The following FANCA variants were observed in gnomAD, a reference collection of about 807,000 sequenced individuals.
FANCA encodes the protein FA complementation group A, also known as Fanconi anemia group A protein.
A neutral mutation model predicts 194.3 loss-of-function variants in FANCA; 236 were observed. The ratio of observed to expected loss-of-function variants is 1.21; its 90% CI spans 1.09 to 1.35. FANCA has a LOEUF of 1.35. Ranked by LOEUF, FANCA falls within the 40% of genes most tolerant of loss-of-function variation. FANCA has a pLI of 0.00. For missense variants in FANCA, 2,628 were observed against 1,813.9 expected, an observed-to-expected ratio of 1.45 and a Z score of -8.15; for synonymous variants, 1,014 against 715.8, an observed-to-expected ratio of 1.42 and a Z score of -6.65.
At chr16:89,752,985 A>G (rs561348104) in intron 30 of FANCA, among the ~76,000 whole-genome samples, 1 of 152,290 alleles carries the variant, frequency 6.6e-6, no homozygotes, top group African/African-American at 2.4e-5. Context: ...CGGAGGCCTC[A>G]CCGTCTCCCT....
intron 17 of FANCA, among the ~76,000 whole-genome samples, chr16:89,782,248 G>A (rs1490800166): frequency 7.0e-5 from 10 of 142,166 alleles, no homozygotes; most frequent in Admixed American, 3.5e-4. Context: ...GTGGTGGCGG[G>A]CGCCTGTAAT....
rs142368710 is a variant in FANCA at position 89,776,939 on chromosome 16, C to A, written c.1827-1124G>T. Among the ~76,000 whole-genome samples the A allele has an allele frequency of 2.0e-5, 3 of 152,100 alleles. No homozygotes were observed. In the South Asian group the frequency reaches 6.2e-4, roughly 32 times the overall value. On this transcript the variant is annotated intron_variant, in intron 20 of 42. Transcript: ENST00000389301. ...AACATGATAAAGGGTAAGCCAGGTA[C>A]AGTGGCTCATATTTGTAATCCCAGC... is the stretch of plus-strand genomic sequence containing the variant.
intron 26 of FANCA, 196 bp downstream of exon 26, chr16:89,769,641 T>G: frequency 3.1e-6 from 2 of 654,664 alleles, no homozygotes; most frequent in Non-Finnish European, 5.4e-6. Flanking sequence ...CTCATTTTTA[T>G]GAACAAAGAA....
chr16:89,782,236 G>C (rs1479084469), intron 17 of FANCA, among the ~76,000 whole-genome samples: 1 of 151,254 alleles, frequency 6.6e-6, no homozygotes, highest in Non-Finnish European at 1.5e-5. Flanking sequence ...AATTAGCCAG[G>C]CGTGGTGGCG....
intron 26 of FANCA, among the ~76,000 whole-genome samples, chr16:89,767,444 T>G (rs2039168489): frequency 6.6e-6 from 1 of 152,034 alleles, no homozygotes; most frequent in Non-Finnish European, 1.5e-5. Flanking sequence ...CTGGGCTCAC[T>G]GCAATCTCTG....
intron 9 of FANCA, 134 bp from the exon 10 acceptor site, chr16:89,799,366 A>C: frequency 1.9e-6 from 2 of 1,063,088 alleles, no homozygotes; most frequent in Non-Finnish European, 1.4e-6. Flanking sequence ...AGACTTCTAC[A>C]ATCTGTAGGC....
In FANCA at chr16:89,745,047, C is replaced by A. The variant is rs372706571; in HGVS notation, c.3538G>T (p.Val1180Leu). ...ALVWWPSLEP[V>L]LLCRWRRHCQ... ...TGTCTCCTCCACCGGCAGAGCAGCA[C>A]AGGCTCCAGGCTCGGCCACCACACC... Residue 1180 changes from valine to leucine, a missense_variant, in exon 36 of 43, where the codon GTG becomes TTG. Coordinates refer to ENST00000389301, the MANE Select transcript of FANCA (RefSeq NM_000135.4). 3 of 1,607,800 alleles carry A rather than the reference C, an allele frequency of 1.9e-6. No individual in the cohort carries two copies. The highest frequency in any genetic ancestry group is 1.7e-6 in the Non-Finnish European group (2 of 1,179,338).
chr16:89,809,651 A>G (rs1487865812), intron 5 of FANCA, among the ~76,000 whole-genome samples: 3 of 151,844 alleles, frequency 2.0e-5, no homozygotes. Flanking sequence ...GGAGTTTGAG[A>G]CCAGCCTGAC....
At chr16:89,762,660 G>A (rs1181308908) in intron 28 of FANCA, 2 of 313,182 alleles carry the variant, frequency 6.4e-6, no homozygotes, top group Non-Finnish European at 1.3e-5. Context: ...TTGGAAACAG[G>A]TTCTGTTGCC....
In FANCA at chr16:89,737,631, G is replaced by A. The variant is rs1326078503; in HGVS notation, c.*970C>T. On this transcript the variant is annotated 3_prime_UTR_variant, in exon 43 of 43. Transcript: ENST00000389301. ...ATGAAGCCACGTGACAGTGTATAAA[G>A]CAGTTTAAAGATCTTAATAAACGAG... 4.0e-6 allele frequency: 5 copies of A among 1,252,510 alleles called. No homozygotes were observed. The highest frequency in any genetic ancestry group is 5.4e-6 in the Non-Finnish European group (5 of 929,330). The allele number at this position is 1,252,510 out of a possible 1,614,324, so 77.6% of individuals were successfully genotyped here.
chr16:89,752,820 T>A (rs917936485), intron 30 of FANCA, among the ~76,000 whole-genome samples: 5 of 152,192 alleles, frequency 3.3e-5, no homozygotes, highest in Non-Finnish European at 7.3e-5. Flanking sequence ...AAGCGGATCG[T>A]GGTCCAGCGG....
At position 89,739,087 on chromosome 16, in the gene FANCA, G is replaced by A. The variant is rs191404781; in HGVS notation, c.4167+46C>T. 1.0e-3 allele frequency: 1,667 copies of A among 1,613,836 alleles called. 1 individual carries two copies. Among genetic ancestry groups the A allele is most frequent in the Non-Finnish European group, 1.2e-3 (1,445 of 1,179,838 alleles). ...ACATTCTTTGGCAGAAGGAGCCTCC[G>A]GCTGGGGGGAGCTCCCCTGGAGGTG... On this transcript the variant is annotated intron_variant, in intron 41 of 42. Coordinates refer to ENST00000389301, the MANE Select transcript of FANCA (RefSeq NM_000135.4).
chr16:89,746,540 C>T lies in FANCA; in HGVS notation c.3513+44G>A, dbSNP rs370113368. The T allele has an allele frequency of 1.6e-5, 24 of 1,501,914 alleles. No individual in the cohort carries two copies. The South Asian group carries it at 2.1e-4, about 13-fold the overall frequency. The allele number at this position is 1,501,914 out of a possible 1,614,324, so 93.0% of individuals were successfully genotyped here. On this transcript the variant is annotated intron_variant, in intron 35 of 42. Transcript: ENST00000389301. ...TGCCAGAGGCAGCTGTGGAGTCTCC[C>T]ACTCATCCCCAAAACAAAACACCAA...
Position 89,738,447 on chromosome 16 carries a change from CG to C in FANCA, c.*153del, listed in dbSNP as rs887428503. ...ATTTTCCCGCAAACGCTGAGTGACT[CG>C]GGGCCGGACAGTTCATAAATAATTG... On this transcript the variant is annotated 3_prime_UTR_variant, in exon 43 of 43. Coordinates refer to ENST00000389301, the MANE Select transcript of FANCA (RefSeq NM_000135.4). The C allele has an allele frequency of 1.7e-5, 24 of 1,384,924 alleles. No homozygotes were observed. The African/African-American group carries it at 3.2e-4, about 18-fold the overall frequency. 85.8% of individuals were successfully genotyped at this position (1,384,924 alleles called of 1,614,324 possible).
intron 14 of FANCA, 29 bp downstream of exon 14, chr16:89,791,374 A>G (rs1215035357): frequency 6.2e-7 from 1 of 1,611,996 alleles, no homozygotes; most frequent in Admixed American, 1.7e-5. Flanking sequence ...AAGATCAGGT[A>G]TTAGGTAGCC....
At chr16:89,740,242 G>A in intron 38 of FANCA, 143 bp from the exon 39 acceptor site, 4 of 756,108 alleles carry the variant, frequency 5.3e-6, no homozygotes, top group Admixed American at 3.9e-5. Context: ...ACCTATAGAA[G>A]GTAATACTGG....
At position 89,740,115 on chromosome 16, in the gene FANCA, G is replaced by C. The variant is rs766263531; in HGVS notation, c.3829-16C>G. Reference sequence around the variant, plus strand: ...CTGTGGTGCTCTGTAAACCGCAGGAGACCAACCCTGAGAATGGCCGACCTG... The same window carrying C: ...CTGTGGTGCTCTGTAAACCGCAGGACACCAACCCTGAGAATGGCCGACCTG... On this transcript the variant is annotated splice_polypyrimidine_tract_variant and intron_variant, in intron 38 of 42. Transcript: ENST00000389301. 2 of 1,609,762 alleles carry C rather than the reference G, an allele frequency of 1.2e-6. No individual in the cohort carries two copies. Among genetic ancestry groups the C allele is most frequent in the African/African-American group, 2.7e-5 (2 of 74,782 alleles).
chr16:89,743,719 A>C (rs2062185078), intron 36 of FANCA, among the ~76,000 whole-genome samples: 1 of 152,060 alleles, frequency 6.6e-6, no homozygotes, highest in African/African-American at 2.4e-5. Context: ...GCTACTCAGG[A>C]GACTGAGGCA....
chr16:89,790,818 G>C (rs947733587), intron 14 of FANCA, among the ~76,000 whole-genome samples: 1 of 151,378 alleles, frequency 6.6e-6, no homozygotes, highest in African/African-American at 2.4e-5. Context: ...CCTCTTTCCT[G>C]ATTTCACTCA....
Sources: allele counts gnomAD v4.1 joint callset (sites outside exome capture counted in the v4.1 genomes callset), GRCh38; gene constraint gnomAD v4.1.1; transcripts MANE v1.5; gene names NCBI Gene and HGNC (gene_info 2026-07-23, HGNC 2026-07-21).